The following CFAP77 variants were observed in gnomAD, a reference collection of about 807,000 sequenced individuals.
CFAP77 encodes cilia- and flagella-associated protein 77.
A neutral mutation model predicts 31.1 loss-of-function variants in CFAP77; 25 were observed. The observed-to-expected ratio is 0.80, with a 90% CI of 0.59 to 1.12. The LOEUF is 1.12. Ranked by LOEUF, CFAP77 falls within the 50% of genes most tolerant of loss-of-function variation. The pLI is 0.00. For synonymous variants in CFAP77, 151 were observed against 159.9 expected (o/e 0.94, Z 0.42); for missense variants, 377 against 397.3 (o/e 0.95, Z 0.44).
In CFAP77 at chr9:132,498,797, G is replaced by A. The variant is rs928138189; in HGVS notation, c.295+3G>A. 6.2e-6 allele frequency: 10 copies of A among 1,601,336 alleles called. No homozygotes were observed. The highest frequency in any genetic ancestry group is 3.4e-5 in the South Asian group (3 of 89,312). On this transcript the variant is annotated splice_donor_region_variant and intron_variant, in intron 2 of 5. Transcript: ENST00000393216. The surrounding 1 kb of genome is among the most constrained non-coding windows in gnomAD (Gnocchi z 4.2). ...GCTTGACGGAGGAGTCCCTGAAGGT[G>A]AGCGAGCAGCTTTGGAGCATGAGGG...
At chr9:132,444,808 G>C (rs1397924330) in intron 1 of CFAP77, among the ~76,000 whole-genome samples, 1 of 152,036 alleles carries the variant, frequency 6.6e-6, no homozygotes, top group East Asian at 1.9e-4. Flanking sequence ...GAGTTACGTG[G>C]CATTAAATGC....
At chr9:132,561,650 CACACACACACA>C (rs1589927292) in intron 5 of CFAP77, among the ~76,000 whole-genome samples, 7 of 103,848 alleles carry the variant, frequency 6.7e-5, no homozygotes, top group East Asian at 4.3e-4. Context: ...CACACACACA[CACACACACACA>C]CCCCCTCCAT....
rs771798628 is a variant in CFAP77, at chr9:132,566,042, A to G, written c.733-6346A>G. On this transcript the variant is annotated intron_variant, in intron 5 of 5. Coordinates refer to ENST00000393216, the MANE Select transcript of CFAP77 (RefSeq NM_001282957.2). ...ACCGCAGATGGCTTAATTTAGAAGC[A>G]TCTCAGAAGGAATTCCTTGCTCCAC... Among the ~76,000 whole-genome samples the G allele has an allele frequency of 1.1e-4, 16 of 152,338 alleles. No homozygotes were observed. In the Middle Eastern group the frequency reaches 0.01, roughly 97 times the overall value.
intron 3 of CFAP77, among the ~76,000 whole-genome samples, chr9:132,523,680 G>A (rs756448713): frequency 6.6e-6 from 1 of 152,268 alleles, no homozygotes; most frequent in East Asian, 1.9e-4. Context: ...CTTCTTTCCC[G>A]GTCCCTTAGG....
rs1243107450 is a variant in CFAP77, at chr9:132,465,587, A to AGACACACCAGGAGC, written c.196-33100_196-33099insAGGAGCGACACACC. Among the ~76,000 whole-genome samples the AGACACACCAGGAGC allele has an allele frequency of 2.2e-4, 33 of 152,320 alleles. No homozygotes were observed. In the East Asian group the frequency reaches 3.1e-3, roughly 14 times the overall value. On this transcript the variant is annotated intron_variant, in intron 1 of 5. Coordinates refer to ENST00000393216, the MANE Select transcript of CFAP77 (RefSeq NM_001282957.2). ...AAGTTCAGGTGAGGGAGGCACAGAA[A>AGACACACCAGGAGC]GACACACCCTGGTGTTCACTTGGGG...
intron 1 of CFAP77, among the ~76,000 whole-genome samples, chr9:132,443,688 G>A (rs1387908875): frequency 6.6e-6 from 1 of 152,210 alleles, no homozygotes; most frequent in Non-Finnish European, 1.5e-5. Context: ...TGTAGTAGCA[G>A]TTTTTCAAGA....
In CFAP77 at chr9:132,554,943, T is replaced by TCCATCCAC. The variant is rs1852875899; in HGVS notation, c.732+11903_732+11904insCCCATCCA. ...ATGCATGCATCCATCCATCCACCCA[T>TCCATCCAC]CCATCCATCCATCCATCCATCCATC... On this transcript the variant is annotated intron_variant, in intron 5 of 5. Transcript: ENST00000393216. The surrounding 1 kb of genome is among the most constrained non-coding windows in gnomAD (Gnocchi z 4.1). Among the ~76,000 whole-genome samples, 1 of 63,536 alleles carries TCCATCCAC rather than the reference T, an allele frequency of 1.6e-5. No homozygotes were observed. Among genetic ancestry groups the TCCATCCAC allele is most frequent in the African/African-American group, 7.9e-5 (1 of 12,696 alleles). The allele number at this position is 63,536 out of a possible 152,430, so 41.7% of individuals were successfully genotyped here.
intron 1 of CFAP77, among the ~76,000 whole-genome samples, chr9:132,436,074 T>G (rs1589848991): frequency 6.6e-6 from 1 of 152,158 alleles, no homozygotes; most frequent in East Asian, 1.9e-4. Flanking sequence ...TGTATTCATT[T>G]CCATGGCTGC....
chr9:132,491,129 G>A (rs1204641788), intron 1 of CFAP77, among the ~76,000 whole-genome samples: 2 of 152,258 alleles, frequency 1.3e-5, no homozygotes, highest in East Asian at 1.9e-4. Flanking sequence ...ACTGAAATAA[G>A]TGGATTGGAA....
At chr9:132,515,033 G>A (rs539808386) in intron 3 of CFAP77, among the ~76,000 whole-genome samples, 4 of 152,304 alleles carry the variant, frequency 2.6e-5, no homozygotes, top group East Asian at 3.9e-4. Flanking sequence ...TCCCCTGCCC[G>A]GGAAAGGCTC....
rs1395270467 is a variant in CFAP77 at position 132,539,993 on chromosome 9, G to A, written c.630+2287G>A. On this transcript the variant is annotated intron_variant, in intron 4 of 5. Coordinates refer to ENST00000393216, the MANE Select transcript of CFAP77 (RefSeq NM_001282957.2). The surrounding 1 kb of genome is among the most constrained non-coding windows in gnomAD (Gnocchi z 4.3). ...GTTGCCCAGGCTGGAGTGCAATGGGGCAATCTCAACTCACTGCAACCTCCG... is the reference window on the plus strand; with the variant it reads ...GTTGCCCAGGCTGGAGTGCAATGGGACAATCTCAACTCACTGCAACCTCCG... 6.6e-6 allele frequency among the ~76,000 whole-genome samples: 1 copy of A among 152,080 alleles called. No homozygotes were observed. Among genetic ancestry groups the A allele is most frequent in the Non-Finnish European group, 1.5e-5 (1 of 68,022 alleles).
At chr9:132,426,648 G>A (rs187802054) in intron 1 of CFAP77, among the ~76,000 whole-genome samples, 165 of 152,268 alleles carry the variant, frequency 1.1e-3, no homozygotes, top group South Asian at 1.9e-3. Flanking sequence ...AGCAGCAACG[G>A]AACCTGAGGC....
chr9:132,540,683 G>A (rs1172142844), intron 4 of CFAP77, among the ~76,000 whole-genome samples: 4 of 152,200 alleles, frequency 2.6e-5, no homozygotes, highest in African/African-American at 9.7e-5. Context: ...GGATAGTTGT[G>A]GAGAAAGGAT....
rs763313185 is a variant in CFAP77, at chr9:132,459,750, GTGTA to G, written c.196-38941_196-38938del. On this transcript the variant is annotated intron_variant, in intron 1 of 5. Coordinates refer to ENST00000393216, the MANE Select transcript of CFAP77 (RefSeq NM_001282957.2). ...TATGTGTATATGTGTGTGAGTGTGTGTGTATGTGTGTGTATGAGTGTGTGTGAGA... is the reference window on the plus strand; with the variant it reads ...TATGTGTATATGTGTGTGAGTGTGTGTGTGTGTGTATGAGTGTGTGTGAGA... Among the ~76,000 whole-genome samples, 113 of 142,664 alleles carry G rather than the reference GTGTA, an allele frequency of 7.9e-4. 1 individual carries two copies. The South Asian group carries it at 9.2e-3, about 12-fold the overall frequency. 93.6% of individuals were successfully genotyped at this position (142,664 alleles called of 152,430 possible). A position where few individuals can be genotyped will look rare whatever the true frequency, so the allele number is the denominator to read the frequency against.
intron 1 of CFAP77, among the ~76,000 whole-genome samples, chr9:132,413,460 C>T (rs1466274679): frequency 6.6e-6 from 1 of 152,204 alleles, no homozygotes; most frequent in Non-Finnish European, 1.5e-5. Context: ...GGTTTCAACT[C>T]TAGTATAGAC....
intron 1 of CFAP77, among the ~76,000 whole-genome samples, chr9:132,487,327 A>G (rs925701702): frequency 1.3e-5 from 2 of 151,960 alleles, no homozygotes; most frequent in South Asian, 2.1e-4. Context: ...CAGCTACCCA[A>G]TTCTCCTCCA....
chr9:132,548,484 A>C (rs1333052504), intron 5 of CFAP77, among the ~76,000 whole-genome samples: 1 of 152,124 alleles, frequency 6.6e-6, no homozygotes, highest in African/African-American at 2.4e-5. Flanking sequence ...CTGATGTCTC[A>C]CCAAACGCTC....
Position 132,481,906 on chromosome 9 carries a change from T to C in CFAP77, c.196-16789T>C, listed in dbSNP as rs1851451134. ...TATGAAATATACATCAAAACAAAAG[T>C]CACTGGAGCGGGCGTTTTCATCTGT... On this transcript the variant is annotated intron_variant, in intron 1 of 5. Transcript: ENST00000393216. This position sits in a 1 kb window ranked among gnomAD's most constrained non-coding sequence, Gnocchi z 5.0. Among the ~76,000 whole-genome samples the C allele has an allele frequency of 6.8e-6, 1 of 146,728 alleles. No individual in the cohort carries two copies. Among genetic ancestry groups the C allele is most frequent in the African/African-American group, 2.5e-5 (1 of 40,534 alleles).
intron 1 of CFAP77, among the ~76,000 whole-genome samples, chr9:132,422,837 C>T (rs958532056): frequency 5.9e-5 from 9 of 152,224 alleles, no homozygotes; most frequent in Admixed American, 5.2e-4. Context: ...CCAGTGGCAG[C>T]GTGCTGCGAT....
Sources: allele counts gnomAD v4.1 joint callset (sites outside exome capture counted in the v4.1 genomes callset), GRCh38; gene constraint gnomAD v4.1.1; non-coding constraint Gnocchi (gnomAD v3.1); transcripts MANE v1.5; gene names NCBI Gene and HGNC (gene_info 2026-07-23, HGNC 2026-07-21).